DNER: variants seen among roughly 807,000 people sequenced by gnomAD.
DNER encodes the protein delta/notch like EGF repeat containing.
DNER carries 33 observed loss-of-function variants against 78.2 expected under a neutral mutation model. The observed-to-expected ratio is 0.42, with a 90% CI of 0.32 to 0.56. The LOEUF is 0.56. Among genes scored for constraint, DNER ranks in the 20% least tolerant of loss-of-function variants. The probability of loss-of-function intolerance (pLI) is 0.11; values close to 1 mark genes in which losing one functional copy is unlikely to be tolerated. For synonymous variants in DNER, 417 were observed against 384.8 expected (o/e 1.08, Z -0.98); for missense variants, 918 against 975.3 (o/e 0.94, Z 0.78).
chr2:229,611,401 G>A (rs1249426660), intron 1 of DNER, among the ~76,000 whole-genome samples: 1 of 152,150 alleles, frequency 6.6e-6, no homozygotes, highest in African/African-American at 2.4e-5. Flanking sequence ...CAGTTGTTGT[G>A]ACACAACACA....
intron 4 of DNER, among the ~76,000 whole-genome samples, chr2:229,581,988 A>G (rs1697406709): frequency 6.6e-6 from 1 of 152,212 alleles, no homozygotes; most frequent in Admixed American, 6.5e-5. Flanking sequence ...CAATTCCTGA[A>G]AGTGCCTCAG....
At chr2:229,564,666 TCAC>T (rs1387359119) in intron 4 of DNER, among the ~76,000 whole-genome samples, 31 of 140,850 alleles carry the variant, frequency 2.2e-4, no homozygotes, top group African/African-American at 7.9e-4. Flanking sequence ...CATCACCCCG[TCAC>T]CATCATCATC....
At chr2:229,670,139 T>C (rs1315280745) in intron 1 of DNER, among the ~76,000 whole-genome samples, 1 of 152,086 alleles carries the variant, frequency 6.6e-6, no homozygotes, top group African/African-American at 2.4e-5. Context: ...TGGTTATTTG[T>C]GGACAGAAAA....
intron 8 of DNER, among the ~76,000 whole-genome samples, chr2:229,437,844 T>C (rs1026407176): frequency 2.6e-5 from 4 of 152,108 alleles, no homozygotes; most frequent in African/African-American, 9.7e-5. Flanking sequence ...ATCCATGACA[T>C]ATAATCATCA....
At chr2:229,609,653 C>T (rs541972063) in intron 1 of DNER, among the ~76,000 whole-genome samples, 1 of 152,300 alleles carries the variant, frequency 6.6e-6, no homozygotes, top group South Asian at 2.1e-4. Context: ...TGAATACATG[C>T]AAAGCCTCTG....
chr2:229,693,463 C>T (rs537003321), intron 1 of DNER, among the ~76,000 whole-genome samples: 37 of 151,800 alleles, frequency 2.4e-4, no homozygotes, highest in African/African-American at 5.8e-4. Flanking sequence ...ACTTTGGATC[C>T]GGAACCATTT....
At chr2:229,370,539 A>C (rs182418674) in intron 11 of DNER, among the ~76,000 whole-genome samples, 7 of 152,326 alleles carry the variant, frequency 4.6e-5, no homozygotes, top group African/African-American at 1.7e-4. Context: ...TGGGGAAAGC[A>C]GAACCAAGGC....
At chr2:229,597,523 T>C (rs1697744442) in intron 1 of DNER, among the ~76,000 whole-genome samples, 1 of 152,228 alleles carries the variant, frequency 6.6e-6, no homozygotes, top group Admixed American at 6.5e-5. Flanking sequence ...ATAACCAAAC[T>C]GCCAAAATGC....
At chr2:229,671,205 T>C (rs970425868) in intron 1 of DNER, among the ~76,000 whole-genome samples, 14 of 152,214 alleles carry the variant, frequency 9.2e-5, no homozygotes, top group African/African-American at 2.9e-4. Context: ...GATGAAAACA[T>C]TGCTGTTGCC....
Position 229,591,808 on chromosome 2 carries a change from G to A in DNER, c.357C>T (p.Tyr119=). Residue 119 remains tyrosine, a synonymous_variant, in exon 2 of 13, where the codon TAC becomes TAT. Coordinates refer to ENST00000341772, the MANE Select transcript of DNER (RefSeq NM_139072.4). This position sits in a 1 kb window ranked among gnomAD's most constrained non-coding sequence, Gnocchi z 4.6. ...SSSSSSSSDG[Y]LCICNEGYEG... ...CATAGCCTTCATTGCAAATGCAGAG[G>A]TAGCCATCGCTGCTGCTGCTGCTGC... The A allele has an allele frequency of 6.2e-7, 1 of 1,613,702 alleles. No homozygotes were observed. The highest frequency in any genetic ancestry group is 8.5e-7 in the Non-Finnish European group (1 of 1,179,822).
intron 1 of DNER, among the ~76,000 whole-genome samples, chr2:229,603,842 A>T (rs2154214965): frequency 6.6e-6 from 1 of 152,216 alleles, no homozygotes; most frequent in East Asian, 1.9e-4. Context: ...TACCATATAC[A>T]CATATCTGAC....
rs1033731634 is a variant in DNER at position 229,357,962 on chromosome 2, A to C, written c.*578T>G. On this transcript the variant is annotated 3_prime_UTR_variant, in exon 13 of 13. Transcript: ENST00000341772. Reference sequence around the variant, plus strand: ...GACGACTGTTACGAAAATGACAAAAACAAACTCGAAAGAATGTTTCCACAA... The same window carrying C: ...GACGACTGTTACGAAAATGACAAAACCAAACTCGAAAGAATGTTTCCACAA... The C allele has an allele frequency of 1.3e-5, 2 of 152,668 alleles. No homozygotes were observed. Among genetic ancestry groups the C allele is most frequent in the Admixed American group, 1.3e-4 (2 of 15,276 alleles). 9.5% of individuals were successfully genotyped at this position (152,668 alleles called of 1,614,324 possible). A position where few individuals can be genotyped will look rare whatever the true frequency, so the allele number is the denominator to read the frequency against.
At chr2:229,503,769 A>G (rs900718178) in intron 6 of DNER, among the ~76,000 whole-genome samples, 1 of 152,168 alleles carries the variant, frequency 6.6e-6, no homozygotes, top group South Asian at 2.1e-4. Flanking sequence ...TTGAGACAGC[A>G]TCTCACTCTG....
At chr2:229,584,894 A>C (rs1286406299) in intron 4 of DNER, among the ~76,000 whole-genome samples, 14 of 123,274 alleles carry the variant, frequency 1.1e-4, no homozygotes, top group Admixed American at 5.5e-4. Context: ...AGATCGTCCC[A>C]AAAAAAAAAA....
intron 4 of DNER, among the ~76,000 whole-genome samples, chr2:229,553,375 C>T (rs1010152331): frequency 1.3e-5 from 2 of 152,116 alleles, no homozygotes; most frequent in African/African-American, 4.8e-5. Flanking sequence ...AGTCAGAATT[C>T]CTGACTCTTT....
intron 4 of DNER, among the ~76,000 whole-genome samples, chr2:229,556,596 T>C (rs1696859710): frequency 6.6e-6 from 1 of 152,236 alleles, no homozygotes; most frequent in African/African-American, 2.4e-5. Context: ...AATATTTTAC[T>C]CATCTATTTT....
chr2:229,693,905 A>C (rs915608769), intron 1 of DNER, among the ~76,000 whole-genome samples: 1 of 152,216 alleles, frequency 6.6e-6, no homozygotes, highest in Non-Finnish European at 1.5e-5. Flanking sequence ...CATGAAAACA[A>C]TGGGAAAAAT....
chr2:229,473,481 T>A (rs1019485153), intron 7 of DNER, among the ~76,000 whole-genome samples: 2 of 152,204 alleles, frequency 1.3e-5, no homozygotes, highest in African/African-American at 4.8e-5. Flanking sequence ...TTTTCTAATC[T>A]GTTAAATGGA....
intron 1 of DNER, among the ~76,000 whole-genome samples, chr2:229,621,067 C>G (rs972919776): frequency 2.0e-5 from 3 of 152,196 alleles, no homozygotes; most frequent in Non-Finnish European, 2.9e-5. Flanking sequence ...CTAACTCATA[C>G]AAGAAGTTTC....
Sources: allele counts gnomAD v4.1 joint callset (sites outside exome capture counted in the v4.1 genomes callset), GRCh38; gene constraint gnomAD v4.1.1; non-coding constraint Gnocchi (gnomAD v3.1); transcripts MANE v1.5; gene names NCBI Gene and HGNC (gene_info 2026-07-23, HGNC 2026-07-21).